The following GRIA2 variants were observed in gnomAD, a reference collection of about 807,000 sequenced individuals.
GRIA2 encodes glutamate receptor 2.
Under a neutral mutation model 97.3 loss-of-function variants are expected in GRIA2, and 14 were observed. The ratio of observed to expected loss-of-function variants is 0.14; its 90% CI spans 0.10 to 0.23. The LOEUF is 0.23. Among genes scored for constraint, GRIA2 ranks in the 10% least tolerant of loss-of-function variants. GRIA2 has a pLI of 1.00. For synonymous variants in GRIA2, 412 were observed against 387.8 expected, an observed-to-expected ratio of 1.06 and a Z score of -0.73; for missense variants, 558 against 1,069.8, an observed-to-expected ratio of 0.52 and a Z score of 6.67.
At chr4:157,317,794 A>G in intron 5 of GRIA2, 83 bp downstream of exon 5, 1 of 635,696 alleles carries the variant, frequency 1.6e-6, no homozygotes, top group Non-Finnish European at 2.8e-6. Context: ...AGCATTTATC[A>G]GTGGTGTTTT....
chr4:157,344,506 C>G (rs1366175129), intron 12 of GRIA2, among the ~76,000 whole-genome samples: 2 of 152,054 alleles, frequency 1.3e-5, no homozygotes, highest in South Asian at 2.1e-4. Context: ...ACTTTGTTCT[C>G]TGCCCATTCA....
intron 11 of GRIA2, among the ~76,000 whole-genome samples, chr4:157,338,016 A>G (rs1290885654): frequency 4.8e-3 from 49 of 10,188 alleles, no homozygotes; most frequent in Middle Eastern, 0.071. Context: ...GTGTATATAT[A>G]TATATATATA....
At position 157,345,917 on chromosome 4, in the gene GRIA2, T is replaced by C. The variant is rs577171115; in HGVS notation, c.2043+4455T>C. ...TTGTTCCATCTGCAAAAGATAAATT[T>C]AGTCTGATAATAAACCATGAGACTC... is the stretch of plus-strand genomic sequence containing the variant. On this transcript the variant is annotated intron_variant, in intron 12 of 15. Transcript: ENST00000264426. Among the ~76,000 whole-genome samples the C allele has an allele frequency of 2.0e-5, 3 of 152,314 alleles. No individual in the cohort carries two copies. The East Asian group carries it at 5.8e-4, about 29-fold the overall frequency.
chr4:157,319,804 T>C (rs1050971047), intron 5 of GRIA2, among the ~76,000 whole-genome samples: 4 of 152,118 alleles, frequency 2.6e-5, no homozygotes, highest in Admixed American at 2.0e-4. Context: ...GAATGCTTGA[T>C]TGGGCTCCTA....
At chr4:157,238,347 G>C (rs1730345219) in intron 2 of GRIA2, among the ~76,000 whole-genome samples, 1 of 152,098 alleles carries the variant, frequency 6.6e-6, no homozygotes, top group South Asian at 2.1e-4. Flanking sequence ...TGGGCTTATT[G>C]ATAGGGGCAA....
chr4:157,247,981 A>G (rs928970570), intron 2 of GRIA2, among the ~76,000 whole-genome samples: 2 of 152,110 alleles, frequency 1.3e-5, no homozygotes, highest in Non-Finnish European at 2.9e-5. Flanking sequence ...CTTTTGTCAA[A>G]TATAACAAGT....
chr4:157,315,861 A>C (rs1310199225), intron 4 of GRIA2, among the ~76,000 whole-genome samples: 2 of 152,200 alleles, frequency 1.3e-5, no homozygotes, highest in African/African-American at 4.8e-5. Flanking sequence ...AAACTTTGAC[A>C]GCACAGATTT....
chr4:157,248,541 A>ATG (rs1217534268), intron 2 of GRIA2, among the ~76,000 whole-genome samples: 2 of 108,936 alleles, frequency 1.8e-5, no homozygotes, highest in East Asian at 2.6e-4. Flanking sequence ...GTGTGTGTTT[A>ATG]TGTGTGTGTG....
At chr4:157,332,566 T>C (rs140118346) in intron 6 of GRIA2, among the ~76,000 whole-genome samples, 2 of 151,922 alleles carry the variant, frequency 1.3e-5, no homozygotes, top group African/African-American at 2.4e-5. Context: ...ACAATTATTA[T>C]GAAAAGGTCT....
intron 12 of GRIA2, among the ~76,000 whole-genome samples, chr4:157,353,549 G>C (rs1428303251): frequency 6.6e-6 from 1 of 151,636 alleles, no homozygotes; most frequent in Admixed American, 6.6e-5. Context: ...GGTGGTGGGC[G>C]CCTGTAGTCC....
intron 3 of GRIA2, 121 bp from the exon 4 acceptor site, chr4:157,312,558 C>A (rs1734126592): frequency 1.8e-6 from 1 of 542,186 alleles, no homozygotes; most frequent in African/African-American, 2.0e-5. Context: ...TTGAAGGAGT[C>A]AACATTCCTT....
At position 157,250,171 on chromosome 4, in the gene GRIA2, T is replaced by C. The variant is rs564904738; in HGVS notation, c.229+28364T>C. ...CCCAGCTTTAAGTTGAAGATACAAG[T>C]ATAACTGCTTCAAGATTATATTCCT... On this transcript the variant is annotated intron_variant, in intron 2 of 15. Coordinates refer to ENST00000264426, the MANE Select transcript of GRIA2 (RefSeq NM_001083619.3). 7.2e-5 allele frequency among the ~76,000 whole-genome samples: 11 copies of C among 152,228 alleles called. No homozygotes were observed. In the East Asian group the frequency reaches 2.1e-3, roughly 29 times the overall value.
At chr4:157,350,931 C>CTTTTTTTT (rs1240937135) in intron 12 of GRIA2, among the ~76,000 whole-genome samples, 13 of 117,492 alleles carry the variant, frequency 1.1e-4, no homozygotes, top group East Asian at 2.5e-4. Context: ...TTAGTTTTTT[C>CTTTTTTTT]TTTTTTTTTT....
chr4:157,263,178 G>A (rs933796787), intron 2 of GRIA2, among the ~76,000 whole-genome samples: 1 of 151,992 alleles, frequency 6.6e-6, no homozygotes, highest in South Asian at 2.1e-4. Context: ...TAAAGTGGTT[G>A]ATATTATACC....
intron 2 of GRIA2, among the ~76,000 whole-genome samples, chr4:157,274,328 AT>A (rs1011803821): frequency 8.5e-4 from 129 of 150,928 alleles, no homozygotes; most frequent in African/African-American, 3.0e-3. Flanking sequence ...AAAATATTTT[AT>A]TTTTTTTCCA....
intron 2 of GRIA2, among the ~76,000 whole-genome samples, chr4:157,248,555 ATATATATATACGTGTG>A (rs1561009296): frequency 3.6e-5 from 1 of 28,142 alleles, no homozygotes; most frequent in South Asian, 1.7e-3. Flanking sequence ...GTGTGTGTGT[ATATATATATACGTGTG>A]TATATATATA....
chr4:157,266,188 A>G (rs1731759941), intron 2 of GRIA2, among the ~76,000 whole-genome samples: 1 of 152,156 alleles, frequency 6.6e-6, no homozygotes. Flanking sequence ...AAAACATCCA[A>G]TAAAAGTTGT....
At chr4:157,222,236 G>C (rs749499554) in intron 2 of GRIA2, among the ~76,000 whole-genome samples, 4 of 152,152 alleles carry the variant, frequency 2.6e-5, no homozygotes, top group Non-Finnish European at 4.4e-5. Flanking sequence ...AATCCCACGA[G>C]GGACTGCCGG....
At chr4:157,270,076 A>G (rs2126787550) in intron 2 of GRIA2, among the ~76,000 whole-genome samples, 1 of 152,270 alleles carries the variant, frequency 6.6e-6, no homozygotes, top group Middle Eastern at 3.4e-3. Flanking sequence ...TTCCCTTTGT[A>G]AGTATAAACT....
Sources: allele counts gnomAD v4.1 joint callset (sites outside exome capture counted in the v4.1 genomes callset), GRCh38; gene constraint gnomAD v4.1.1; transcripts MANE v1.5; gene names NCBI Gene and HGNC (gene_info 2026-07-23, HGNC 2026-07-21).